The following TRAF3IP2 variants were observed in gnomAD, a reference collection of about 807,000 sequenced individuals.
The protein encoded by TRAF3IP2 is E3 ubiquitin ligase TRAF3IP2.
Under a neutral mutation model 57.9 loss-of-function variants are expected in TRAF3IP2, and 35 were observed. That is an observed-to-expected ratio of 0.60 (90% confidence interval 0.46 to 0.80). The LOEUF is 0.80. Ranked by LOEUF, TRAF3IP2 falls within the 30% of genes least tolerant of loss-of-function variation. The pLI is 0.00. For missense variants in TRAF3IP2, 556 were observed against 706.4 expected (o/e 0.79, Z 2.41); for synonymous variants, 251 against 268.9 (o/e 0.93, Z 0.65).
At chr6:111,572,748 T>A (rs1795867474) in intron 5 of TRAF3IP2, 147 bp downstream of exon 5, 2 of 677,978 alleles carry the variant, frequency 2.9e-6, no homozygotes, top group South Asian at 3.8e-5. Context: ...AATTATTACC[T>A]AAATCTATAA....
rs756991964 is a variant in TRAF3IP2, at chr6:111,591,293, T to G, written c.794A>C (p.Tyr265Ser). The change falls in exon 2 of 9, where the codon TAC becomes TCC. Residue 265 changes from tyrosine to serine, a missense_variant. By Grantham distance (144) the Tyr-to-Ser change is moderately radical. This residue lies in a region of TRAF3IP2 where 428 missense variants were observed against 498.7 expected (regional missense o/e 0.86). Transcript: ENST00000368761. This position sits in a 1 kb window ranked among gnomAD's most constrained non-coding sequence, Gnocchi z 4.9. The stretch of plus-strand genomic sequence containing the variant: ...GTGATCGGGACTTCCAGGACAATGG[T>G]AATGATAGTTCCATGGAGCATGTGG... ...LSPHAPWNYH[Y>S]HCPGSPDHQV... 2.0e-6 allele frequency: 3 copies of G among 1,505,322 alleles called. No homozygotes were observed. 93.2% of individuals were successfully genotyped at this position (1,505,322 alleles called of 1,614,324 possible).
intron 5 of TRAF3IP2, 115 bp downstream of exon 5, chr6:111,572,780 A>C (rs1795867825): frequency 1.2e-6 from 1 of 820,452 alleles, no homozygotes; most frequent in South Asian, 1.5e-5. Context: ...ATAATCACAT[A>C]AATCAAATAA....
chr6:111,559,556 G>A lies in TRAF3IP2; in HGVS notation c.1552-5C>T, dbSNP rs757024960. On this transcript the variant is annotated splice_region_variant and splice_polypyrimidine_tract_variant and intron_variant, in intron 8 of 8. Coordinates refer to ENST00000368761, the MANE Select transcript of TRAF3IP2 (RefSeq NM_147686.4). ...AAGCCAGGTGGGCACATGCTCCTAT[G>A]GGAGGCAGAATGACAGGAGCAAAGG... 4.3e-6 allele frequency: 7 copies of A among 1,613,716 alleles called. No homozygotes were observed. In the African/African-American group the frequency reaches 9.3e-5, roughly 22 times the overall value.
chr6:111,593,470 T>C (rs1378049137), intron 1 of TRAF3IP2, among the ~76,000 whole-genome samples: 1 of 152,190 alleles, frequency 6.6e-6, no homozygotes, highest in Non-Finnish European at 1.5e-5. Flanking sequence ...TTCACACAGA[T>C]GGGGCCAGCA....
At position 111,580,127 on chromosome 6, in the gene TRAF3IP2, C is replaced by T; in HGVS notation, c.1022+70G>A. The T allele has an allele frequency of 2.6e-6, 4 of 1,536,138 alleles. No individual in the cohort carries two copies. In the South Asian group the frequency reaches 3.6e-5, roughly 14 times the overall value. ...AGCAAACCTATAGAGAATTCTGTTA[C>T]ATCTTCATTGCATTGGCATAATTCC... On this transcript the variant is annotated intron_variant, in intron 3 of 8. Coordinates refer to ENST00000368761, the MANE Select transcript of TRAF3IP2 (RefSeq NM_147686.4).
rs75814832 is a variant in TRAF3IP2, at chr6:111,568,087, G to C, written c.1291-395C>G. On this transcript the variant is annotated intron_variant, in intron 5 of 8. Coordinates refer to ENST00000368761, the MANE Select transcript of TRAF3IP2 (RefSeq NM_147686.4). ...AAACATAATTCTGGAACATTTTAAT[G>C]GATGTGTGGCATACAAGTAACTGAG... is the stretch of plus-strand genomic sequence containing the variant. Among the ~76,000 whole-genome samples, 26 of 152,284 alleles carry C rather than the reference G, an allele frequency of 1.7e-4. No homozygotes were observed. The East Asian group carries it at 5.0e-3, about 29-fold the overall frequency.
rs573410496 is a variant in TRAF3IP2 at position 111,559,263 on chromosome 6, A to C, written c.*142T>G. The C allele has an allele frequency of 1.1e-5, 13 of 1,174,084 alleles. No homozygotes were observed. In the South Asian group the frequency reaches 1.4e-4, roughly 13 times the overall value. The allele number at this position is 1,174,084 out of a possible 1,614,324, so 72.7% of individuals were successfully genotyped here. A position where few individuals can be genotyped will look rare whatever the true frequency, so the allele number is the denominator to read the frequency against. On this transcript the variant is annotated 3_prime_UTR_variant, in exon 9 of 9. Coordinates refer to ENST00000368761, the MANE Select transcript of TRAF3IP2 (RefSeq NM_147686.4). ...TCTCCGGGGAAGAGCTCTGCACAAC[A>C]GGTTTCCTGGGGGCCAGAGGGCCTC...
At chr6:111,589,585 TGTTGAC>T (rs777466956) in intron 2 of TRAF3IP2, among the ~76,000 whole-genome samples, 8 of 152,172 alleles carry the variant, frequency 5.3e-5, no homozygotes, top group Non-Finnish European at 1.2e-4. Context: ...ACTCCCACTC[TGTTGAC>T]TTCCCAGCAT....
intron 1 of TRAF3IP2, among the ~76,000 whole-genome samples, chr6:111,595,750 C>G (rs1158916394): frequency 6.6e-6 from 1 of 151,824 alleles, no homozygotes; most frequent in Non-Finnish European, 1.5e-5. Context: ...ATTGCTTGAA[C>G]CCGGGAGGCG....
chr6:111,600,292 G>A (rs572811735), intron 1 of TRAF3IP2: 1 of 152,316 alleles, frequency 6.6e-6, no homozygotes, highest in African/African-American at 2.4e-5. Context: ...AATGTATAGA[G>A]ACCATATCTT....
intron 3 of TRAF3IP2, among the ~76,000 whole-genome samples, chr6:111,578,374 C>T (rs1796055908): frequency 6.6e-6 from 1 of 152,200 alleles, no homozygotes; most frequent in Non-Finnish European, 1.5e-5. Flanking sequence ...AGCACGGTGG[C>T]TAACACCCGT....
At position 111,581,677 on chromosome 6, in the gene TRAF3IP2, G is replaced by C. The variant is rs550644799; in HGVS notation, c.830-1288C>G. On this transcript the variant is annotated intron_variant, in intron 2 of 8. Coordinates refer to ENST00000368761, the MANE Select transcript of TRAF3IP2 (RefSeq NM_147686.4). ...ACCAAAATGAGAAGCTGAGAATGTG[G>C]ATAAAAATTGATTCTTAAGGCCAGG... Among the ~76,000 whole-genome samples, 3 of 152,184 alleles carry C rather than the reference G, an allele frequency of 2.0e-5. No individual in the cohort carries two copies. The South Asian group carries it at 6.2e-4, about 32-fold the overall frequency.
At chr6:111,590,435 A>G (rs944297001) in intron 2 of TRAF3IP2, among the ~76,000 whole-genome samples, 1 of 152,230 alleles carries the variant, frequency 6.6e-6, no homozygotes, top group Non-Finnish European at 1.5e-5. Flanking sequence ...GTCTCAAAAA[A>G]TGTGTATGAT....
intron 7 of TRAF3IP2, among the ~76,000 whole-genome samples, chr6:111,566,234 A>C (rs1795630173): frequency 6.6e-6 from 1 of 152,188 alleles, no homozygotes; most frequent in Non-Finnish European, 1.5e-5. Context: ...TGATAGGAAC[A>C]ACTGAGTCCC....
intron 2 of TRAF3IP2, among the ~76,000 whole-genome samples, chr6:111,581,271 C>A (rs1306867309): frequency 6.6e-6 from 1 of 152,082 alleles, no homozygotes; most frequent in Non-Finnish European, 1.5e-5. Flanking sequence ...TGGCCCAGGC[C>A]CAAAGGGGGT....
chr6:111,566,868 C>CA, intron 6 of TRAF3IP2: 1 of 397,314 alleles, frequency 2.5e-6, no homozygotes, highest in Non-Finnish European at 4.8e-6. Flanking sequence ...TGTGTCGTGG[C>CA]AAAAAGGCAC....
Position 111,575,662 on chromosome 6 carries a change from G to C in TRAF3IP2, c.1182C>G (p.Ser394Arg). ...ACTTACGCAATTCTTCTGGCAAATT[G>C]CTTGTTTTTAGAGTTCCTCTGGCTG... is the stretch of plus-strand genomic sequence containing the variant. ...NPPARGTLKT[S>R]NLPEELRKVF... The change falls in exon 4 of 9, where the codon AGC (serine) becomes AGG (arginine). Residue 394 changes from serine (S) to arginine (R), a missense_variant. Physicochemically the swap from Ser to Arg is moderately radical, Grantham distance 110 (BLOSUM62 -1). Coordinates refer to ENST00000368761, the MANE Select transcript of TRAF3IP2 (RefSeq NM_147686.4). 6.2e-7 allele frequency: 1 copy of C among 1,612,486 alleles called. No homozygotes were observed. The highest frequency in any genetic ancestry group is 1.1e-5 in the South Asian group (1 of 91,002).
At chr6:111,576,206 A>C (rs1424551426) in intron 3 of TRAF3IP2, among the ~76,000 whole-genome samples, 1 of 152,246 alleles carries the variant, frequency 6.6e-6, no homozygotes, top group East Asian at 1.9e-4. Flanking sequence ...TTTAGCTCAT[A>C]ATAGGTAACA....
chr6:111,572,143 T>G (rs1795851287), intron 5 of TRAF3IP2, among the ~76,000 whole-genome samples: 1 of 152,142 alleles, frequency 6.6e-6, no homozygotes, highest in African/African-American at 2.4e-5. Context: ...ATCTCAGTGT[T>G]TGAGGAAAGC....
Sources: gnomAD v4.1 joint callset for allele counts (sites outside exome capture counted in the v4.1 genomes callset) on GRCh38, gnomAD v4.1.1 for gene constraint, gnomAD v4.1.1 regional missense constraint, Gnocchi (gnomAD v3.1) non-coding constraint, MANE v1.5 for transcripts, NCBI Gene and HGNC (gene_info 2026-07-23, HGNC 2026-07-21) for gene names.